The following SLC24A2 variants were observed in gnomAD, a reference collection of about 807,000 sequenced individuals.
SLC24A2 encodes solute carrier family 24 member 2.
In SLC24A2, 36 loss-of-function variants were observed where a neutral mutation model predicts 62.0. That is an observed-to-expected ratio of 0.58 (90% CI 0.44 to 0.77). The LOEUF (loss-of-function observed/expected upper bound fraction) is 0.77, where lower values mean the gene tolerates loss of function less well. SLC24A2 is among the 30% of genes least tolerant of loss of function. The pLI is 0.00. For missense variants in SLC24A2, 846 were observed against 817.9 expected, an observed-to-expected ratio of 1.03 and a Z score of -0.42; for synonymous variants, 358 against 294.0, an observed-to-expected ratio of 1.22 and a Z score of -2.23.
the SLC24A2 span, among the ~76,000 whole-genome samples, chr9:20,110,458 CTT>C: frequency 4.7e-5 from 7 of 149,692 alleles, no homozygotes; most frequent in Non-Finnish European, 1.0e-4. Context: ...ACTAAATGCA[CTT>C]TTTTTTTTCA....
At chr9:20,182,560 T>C in the SLC24A2 span, among the ~76,000 whole-genome samples, 1 of 152,154 alleles carries the variant, frequency 6.6e-6, no homozygotes, top group Non-Finnish European at 1.5e-5. Flanking sequence ...CTGCATGTTA[T>C]CACCCATAAG....
At chr9:20,306,719 C>T in the SLC24A2 span, among the ~76,000 whole-genome samples, 6 of 152,246 alleles carry the variant, frequency 3.9e-5, no homozygotes, top group South Asian at 2.1e-4. Flanking sequence ...TATTTTGAGA[C>T]GGAGTCTCAC....
chr9:20,195,132 G>A, the SLC24A2 span, among the ~76,000 whole-genome samples: 42 of 152,018 alleles, frequency 2.8e-4, no homozygotes, highest in Non-Finnish European at 4.1e-4. Flanking sequence ...ATTCATGTTC[G>A]CAGCTGTATA....
chr9:19,557,748 CTTTTTT>C (rs10711958), intron 7 of SLC24A2, among the ~76,000 whole-genome samples: 19 of 141,650 alleles, frequency 1.3e-4, no homozygotes, highest in African/African-American at 4.3e-4. Context: ...ATTTAATTGA[CTTTTTT>C]TTTTTTTATA....
At chr9:19,583,059 C>T (rs1836255655) in intron 5 of SLC24A2, among the ~76,000 whole-genome samples, 1 of 152,280 alleles carries the variant, frequency 6.6e-6, no homozygotes, top group South Asian at 2.1e-4. Context: ...GCACTTACTT[C>T]TCTGCAAAAT....
chr9:19,544,528 T>G (rs1481905172), intron 8 of SLC24A2, among the ~76,000 whole-genome samples: 1 of 152,184 alleles, frequency 6.6e-6, no homozygotes, highest in African/African-American at 2.4e-5. Flanking sequence ...ATAGTGTTGA[T>G]GGTCTTTACA....
chr9:20,055,878 G>T, the SLC24A2 span, among the ~76,000 whole-genome samples: 15,900 of 151,960 alleles, frequency 0.1, 825 homozygotes, highest in East Asian at 0.17. Flanking sequence ...GACAGAGTGA[G>T]ACTCTGTCTC....
upstream of SLC24A2, among the ~76,000 whole-genome samples, chr9:19,790,112 C>G (rs916545981): frequency 6.6e-6 from 1 of 150,600 alleles, no homozygotes; most frequent in African/African-American, 2.4e-5. Context: ...CTTTTTCTTT[C>G]TCCTTTCGAG....
the SLC24A2 span, among the ~76,000 whole-genome samples, chr9:20,061,175 A>G: frequency 6.6e-6 from 1 of 152,224 alleles, no homozygotes; most frequent in Non-Finnish European, 1.5e-5. Context: ...AAAACAAAGT[A>G]TACTTACTAT....
At chr9:19,765,160 T>C (rs556178129) in intron 2 of SLC24A2, among the ~76,000 whole-genome samples, 1 of 152,194 alleles carries the variant, frequency 6.6e-6, no homozygotes, top group Non-Finnish European at 1.5e-5. Flanking sequence ...TAAATCTTCC[T>C]GCATCCCTTT....
chr9:20,252,678 A>T, the SLC24A2 span, among the ~76,000 whole-genome samples: 3 of 152,186 alleles, frequency 2.0e-5, no homozygotes, highest in Admixed American at 2.0e-4. Flanking sequence ...GGTTTGGATG[A>T]ATTGAACTGG....
the SLC24A2 span, among the ~76,000 whole-genome samples, chr9:19,884,686 A>T: frequency 1.3e-5 from 2 of 152,184 alleles, no homozygotes; most frequent in African/African-American, 2.4e-5. Flanking sequence ...TGCATTTAGT[A>T]AAAACCATGT....
chr9:20,061,504 C>T, the SLC24A2 span, among the ~76,000 whole-genome samples: 1 of 152,248 alleles, frequency 6.6e-6, no homozygotes, highest in Non-Finnish European at 1.5e-5. Context: ...CCAGGCTGGT[C>T]TTGAGCTCCT....
chr9:20,016,792 T>C, the SLC24A2 span, among the ~76,000 whole-genome samples: 1 of 151,996 alleles, frequency 6.6e-6, no homozygotes, highest in Non-Finnish European at 1.5e-5. Context: ...CTCCCAGCTG[T>C]GAAAAGCAGT....
At chr9:19,639,888 G>T (rs778817683) in intron 2 of SLC24A2, among the ~76,000 whole-genome samples, 2 of 152,158 alleles carry the variant, frequency 1.3e-5, no homozygotes, top group Non-Finnish European at 2.9e-5. Flanking sequence ...AAGACTAAGA[G>T]AAAGAAAACA....
At chr9:20,179,879 G>T in the SLC24A2 span, among the ~76,000 whole-genome samples, 1 of 152,106 alleles carries the variant, frequency 6.6e-6, no homozygotes, top group Admixed American at 6.6e-5. Context: ...GAACAGAACT[G>T]CACAAAAGGG....
chr9:20,256,886 CA>C, the SLC24A2 span, among the ~76,000 whole-genome samples: 1 of 149,920 alleles, frequency 6.7e-6, no homozygotes, highest in Non-Finnish European at 1.5e-5. Flanking sequence ...GAAAGGAAAC[CA>C]AAAAGAAAAA....
At chr9:19,834,654 G>T in the SLC24A2 span, among the ~76,000 whole-genome samples, 5 of 152,196 alleles carry the variant, frequency 3.3e-5, no homozygotes, top group African/African-American at 1.2e-4. Context: ...ACATTCTGCA[G>T]GATATTATCC....
At chr9:19,724,110 A>G (rs948404683) in intron 2 of SLC24A2, among the ~76,000 whole-genome samples, 1 of 152,242 alleles carries the variant, frequency 6.6e-6, no homozygotes, top group Non-Finnish European at 1.5e-5. Context: ...TGATATCAAT[A>G]CTGACACATT....
Sources: allele counts gnomAD v4.1 joint callset (sites outside exome capture counted in the v4.1 genomes callset), GRCh38; gene constraint gnomAD v4.1.1; transcripts MANE v1.5; gene names NCBI Gene and HGNC (gene_info 2026-07-23, HGNC 2026-07-21).